HS3ST3A1: variants seen among roughly 807,000 people sequenced by gnomAD.
HS3ST3A1 encodes the protein heparan sulfate glucosamine 3-O-sulfotransferase 3A1.
A neutral mutation model predicts 25.7 loss-of-function variants in HS3ST3A1; 19 were observed. The observed-to-expected ratio is 0.74, with a 90% CI of 0.52 to 1.08. The LOEUF is 1.08. HS3ST3A1 is among the 50% of genes least tolerant of loss of function. The pLI is 0.00. For missense variants in HS3ST3A1, 459 were observed against 594.3 expected, an observed-to-expected ratio of 0.77 and a Z score of 2.37; for synonymous variants, 226 against 278.6, an observed-to-expected ratio of 0.81 and a Z score of 1.88.
At chr17:13,500,494 A>G (rs1040412635) in intron 1 of HS3ST3A1, among the ~76,000 whole-genome samples, 10 of 152,242 alleles carry the variant, frequency 6.6e-5, no homozygotes, top group Non-Finnish European at 1.3e-4. Flanking sequence ...AGGTGTGGGC[A>G]CTGATAAATC....
At chr17:13,573,986 T>C (rs1009743832) in intron 1 of HS3ST3A1, among the ~76,000 whole-genome samples, 2 of 152,102 alleles carry the variant, frequency 1.3e-5, no homozygotes, top group Non-Finnish European at 2.9e-5. Flanking sequence ...CCAACCTCCA[T>C]AGAAGTAAGA....
chr17:13,593,200 A>C (rs1908474933), intron 1 of HS3ST3A1, among the ~76,000 whole-genome samples: 1 of 141,076 alleles, frequency 7.1e-6, no homozygotes, highest in African/African-American at 2.6e-5. Context: ...CCAGCTTTCA[A>C]CCACTGACAC....
rs182123384 is a variant in HS3ST3A1, at chr17:13,551,819, G to A, written c.599+48712C>T. Among the ~76,000 whole-genome samples the A allele has an allele frequency of 1.4e-4, 21 of 152,160 alleles. 1 individual carries two copies. Among genetic ancestry groups the A allele is most frequent in the Middle Eastern group, 3.4e-3 (1 of 294 alleles). On this transcript the variant is annotated intron_variant, in intron 1 of 1. Coordinates refer to ENST00000284110, the MANE Select transcript of HS3ST3A1 (RefSeq NM_006042.3). Reference sequence around the variant, plus strand: ...TAATGATTTGTTTTCCACGCATTTGGTATTTCCTTGTGGCATTTCCTCTTC... The same window carrying A: ...TAATGATTTGTTTTCCACGCATTTGATATTTCCTTGTGGCATTTCCTCTTC...
At chr17:13,548,703 G>A (rs141734381) in intron 1 of HS3ST3A1, among the ~76,000 whole-genome samples, 2 of 152,294 alleles carry the variant, frequency 1.3e-5, no homozygotes, top group African/African-American at 2.4e-5. Flanking sequence ...TCAGCACTCT[G>A]TCTAGCTAAA....
intron 1 of HS3ST3A1, among the ~76,000 whole-genome samples, chr17:13,535,974 G>A (rs532842774): frequency 4.7e-4 from 72 of 152,174 alleles, no homozygotes; most frequent in African/African-American, 1.7e-3. Context: ...CAAGGTTCTG[G>A]TGACTCCAGA....
chr17:13,550,713 C>A (rs1166309654), intron 1 of HS3ST3A1, among the ~76,000 whole-genome samples: 1 of 151,670 alleles, frequency 6.6e-6, no homozygotes, highest in Non-Finnish European at 1.5e-5. Context: ...ACCAAAACAA[C>A]AACAACAACA....
intron 1 of HS3ST3A1, among the ~76,000 whole-genome samples, chr17:13,547,060 A>C (rs1042190526): frequency 6.6e-6 from 1 of 152,194 alleles, no homozygotes; most frequent in African/African-American, 2.4e-5. Flanking sequence ...AATGATTACC[A>C]AATTTCTTTT....
chr17:13,570,944 G>T (rs1486467310), intron 1 of HS3ST3A1, among the ~76,000 whole-genome samples: 1 of 152,192 alleles, frequency 6.6e-6, no homozygotes, highest in Non-Finnish European at 1.5e-5. Context: ...GAAGGAAACT[G>T]AGACGCAGGC....
chr17:13,578,097 G>A (rs965283951), intron 1 of HS3ST3A1, among the ~76,000 whole-genome samples: 1 of 152,126 alleles, frequency 6.6e-6, no homozygotes, highest in African/African-American at 2.4e-5. Context: ...GAGCATTAAA[G>A]ATTTAGTTAC....
At chr17:13,506,687 T>A (rs537879271) in intron 1 of HS3ST3A1, among the ~76,000 whole-genome samples, 1 of 152,172 alleles carries the variant, frequency 6.6e-6, no homozygotes, top group African/African-American at 2.4e-5. Flanking sequence ...TCTCACTATA[T>A]TCCACAAGGC....
At chr17:13,523,595 A>G (rs1329048562) in intron 1 of HS3ST3A1, among the ~76,000 whole-genome samples, 1 of 152,150 alleles carries the variant, frequency 6.6e-6, no homozygotes, top group East Asian at 1.9e-4. Context: ...TGTGCCCTCC[A>G]CACTAAGAGA....
chr17:13,566,179 C>T (rs1227748686), intron 1 of HS3ST3A1, among the ~76,000 whole-genome samples: 1 of 152,138 alleles, frequency 6.6e-6, no homozygotes, highest in Non-Finnish European at 1.5e-5. Flanking sequence ...CATGCTGTGT[C>T]TCTGTGTCAC....
chr17:13,574,893 T>C (rs944309173), intron 1 of HS3ST3A1, among the ~76,000 whole-genome samples: 2 of 152,146 alleles, frequency 1.3e-5, no homozygotes, highest in Non-Finnish European at 2.9e-5. Flanking sequence ...GTCTGCTTTT[T>C]CTTTCCCATC....
At chr17:13,525,021 T>C (rs757459805) in intron 1 of HS3ST3A1, among the ~76,000 whole-genome samples, 3 of 152,190 alleles carry the variant, frequency 2.0e-5, no homozygotes, top group Admixed American at 6.5e-5. Context: ...CTGATGCTAA[T>C]TTTGTTACCC....
At position 13,600,956 on chromosome 17, in the gene HS3ST3A1, G is replaced by C. The variant is rs1247278586; in HGVS notation, c.174C>G (p.Gly58=). 5.8e-6 allele frequency: 9 copies of C among 1,540,370 alleles called. No homozygotes were observed. Among genetic ancestry groups the C allele is most frequent in the Non-Finnish European group, 7.9e-6 (9 of 1,143,568 alleles). The change falls in exon 1 of 2, where the codon GGC becomes GGG. Residue 58 remains glycine (G), a synonymous_variant. Transcript: ENST00000284110. ...TLSGPVVGLS[G]GGEEAGAPGG... Reference sequence around the variant, plus strand: ...CAGGGGCCCCCGCCTCCTCGCCGCCGCCGGACAGCCCCACGACGGGGCCGG... The same window carrying C: ...CAGGGGCCCCCGCCTCCTCGCCGCCCCCGGACAGCCCCACGACGGGGCCGG...
chr17:13,529,315 A>G (rs1391001961), intron 1 of HS3ST3A1, among the ~76,000 whole-genome samples: 1 of 152,160 alleles, frequency 6.6e-6, no homozygotes, highest in Non-Finnish European at 1.5e-5. Context: ...TAATATTCCT[A>G]TTGCTGACTA....
chr17:13,504,122 GA>G (rs1905578532), intron 1 of HS3ST3A1, among the ~76,000 whole-genome samples: 1 of 152,124 alleles, frequency 6.6e-6, no homozygotes, highest in Admixed American at 6.5e-5. Context: ...AGACCAGCCT[GA>G]CCAACTGGTG....
intron 1 of HS3ST3A1, among the ~76,000 whole-genome samples, chr17:13,559,146 C>G (rs1473106259): frequency 6.6e-6 from 1 of 152,124 alleles, no homozygotes; most frequent in African/African-American, 2.4e-5. Flanking sequence ...CAATGAATAC[C>G]AATCAGCCTG....
intron 1 of HS3ST3A1, among the ~76,000 whole-genome samples, chr17:13,560,598 C>T (rs1465836081): frequency 6.6e-6 from 1 of 152,060 alleles, no homozygotes; most frequent in African/African-American, 2.4e-5. Flanking sequence ...TATAGAGTTT[C>T]TTTTAGTCTG....
Sources: allele counts gnomAD v4.1 joint callset (sites outside exome capture counted in the v4.1 genomes callset), GRCh38; gene constraint gnomAD v4.1.1; transcripts MANE v1.5; gene names NCBI Gene and HGNC (gene_info 2026-07-23, HGNC 2026-07-21).